Variants in ROS1 observed in about 807,000 individuals in gnomAD.
ROS1 encodes the protein proto-oncogene tyrosine-protein kinase ROS.
Under a neutral mutation model 273.5 loss-of-function variants are expected in ROS1, and 263 were observed. The observed-to-expected ratio is 0.96, with a 90% CI of 0.87 to 1.06. ROS1 has a LOEUF of 1.06. Ranked by LOEUF, ROS1 falls within the 50% of genes least tolerant of loss-of-function variation. The pLI is 0.00. For missense variants in ROS1, 2,833 were observed against 2,751.1 expected, an observed-to-expected ratio of 1.03 and a Z score of -0.67; for synonymous variants, 1,008 against 954.1, an observed-to-expected ratio of 1.06 and a Z score of -1.04.
chr6:117,344,738 A>G (rs1778236180), intron 27 of ROS1, among the ~76,000 whole-genome samples: 1 of 152,102 alleles, frequency 6.6e-6, no homozygotes, highest in African/African-American at 2.4e-5. Flanking sequence ...TAAAGGACTC[A>G]CTAAGGATGT....
At chr6:117,378,863 A>T (rs1034734791) in intron 18 of ROS1, among the ~76,000 whole-genome samples, 196 bp downstream of exon 18, 1 of 152,174 alleles carries the variant, frequency 6.6e-6, no homozygotes, top group East Asian at 1.9e-4. Context: ...TACTCTCTTC[A>T]TACCCCATCA....
chr6:117,343,880 C>T (rs1778146931), intron 28 of ROS1, among the ~76,000 whole-genome samples, 180 bp downstream of exon 28: 1 of 152,164 alleles, frequency 6.6e-6, no homozygotes, highest in South Asian at 2.1e-4. Flanking sequence ...TTCCTTGAAG[C>T]TTAACTTACT....
chr6:117,389,756 C>G lies in ROS1; in HGVS notation c.1380G>C (p.Glu460Asp). 1 of 1,614,146 alleles carries G rather than the reference C, an allele frequency of 6.2e-7. No homozygotes were observed. The highest frequency in any genetic ancestry group is 8.5e-7 in the Non-Finnish European group (1 of 1,180,026). Residue 460 changes from glutamate (E) to aspartate (D), a missense_variant, in exon 13 of 44, where the codon GAG (glutamate) becomes GAC (aspartate). Physicochemically the swap from Glu to Asp is conservative, Grantham distance 45. Transcript: ENST00000368507. ...GRCAEAVRIVESCTLKDFAIK... is the reference protein window; with the variant it reads ...GRCAEAVRIVDSCTLKDFAIK... The stretch of plus-strand genomic sequence containing the variant: ...TTGCAAAGTCCTTTAACGTGCAACT[C>G]TCCACAATACGCACAGCTTCTGCAC...
At chr6:117,391,564 T>C (rs1385845708) in intron 12 of ROS1, among the ~76,000 whole-genome samples, 1 of 152,114 alleles carries the variant, frequency 6.6e-6, no homozygotes, top group Non-Finnish European at 1.5e-5. Flanking sequence ...TAGAGGAAAA[T>C]ATTTCTAATA....
chr6:117,313,033 T>TA (rs1352516482), intron 39 of ROS1, among the ~76,000 whole-genome samples: 5 of 152,138 alleles, frequency 3.3e-5, no homozygotes, highest in Non-Finnish European at 5.9e-5. Flanking sequence ...ACCTACTTCC[T>TA]ACTTTAAGTG....
chr6:117,364,754 C>T (rs1749275428), intron 21 of ROS1, among the ~76,000 whole-genome samples: 1 of 152,158 alleles, frequency 6.6e-6, no homozygotes, highest in African/African-American at 2.4e-5. Context: ...ACTGTCTCTG[C>T]CCTTAAATGC....
At chr6:117,347,490 A>G (rs566209175) in intron 27 of ROS1, among the ~76,000 whole-genome samples, 15 of 152,164 alleles carry the variant, frequency 9.9e-5, no homozygotes, top group African/African-American at 9.6e-5. Flanking sequence ...TTCTACATAG[A>G]TGATCATGTC....
In ROS1 at chr6:117,320,021, T is replaced by G. The variant is rs1188736177; in HGVS notation, c.5769A>C (p.Pro1923=). 1.5e-5 allele frequency: 24 copies of G among 1,612,978 alleles called. No individual in the cohort carries two copies. Among genetic ancestry groups the G allele is most frequent in the Non-Finnish European group, 2.0e-5 (24 of 1,179,428 alleles). The change falls in exon 37 of 44, where the codon CCA becomes CCC. Residue 1923 remains proline, a synonymous_variant. Coordinates refer to ENST00000368507, the MANE Select transcript of ROS1 (RefSeq NM_001378902.1). ...ANACYAIHTL[P]TQEEIENLPA... is the part of the protein sequence containing the mutation. ...GAAGATTTTCAATCTCCTCTTGGGT[T>G]GGAAGAGTACTGTAAAATAGCAACA...
In ROS1 at chr6:117,383,462, T is replaced by C; in HGVS notation, c.2336A>G (p.His779Arg). Reference protein sequence around the residue: ...VLTGHTDIVTHVKLLVNDMVV... With the variant: ...VLTGHTDIVTRVKLLVNDMVV... ...CATGTCATTCACCAATAGCTTCACG[T>C]GGGTAACAATGTCTGTGTGTCCCGT... is the stretch of plus-strand genomic sequence containing the variant. Residue 779 changes from histidine (H) to arginine (R), a missense_variant, in exon 17 of 44, where the codon CAC becomes CGC. Coordinates refer to ENST00000368507, the MANE Select transcript of ROS1 (RefSeq NM_001378902.1). The C allele has an allele frequency of 6.2e-7, 1 of 1,614,120 alleles. No individual in the cohort carries two copies. Among genetic ancestry groups the C allele is most frequent in the African/African-American group, 1.3e-5 (1 of 75,058 alleles).
In ROS1 at chr6:117,402,994, C is replaced by T; in HGVS notation, c.604+145G>A. ...AAAGGTATTGTGAGTACCTAGAATA[C>T]TACCTGGCACATAGTTATGTACCCA... On this transcript the variant is annotated intron_variant, in intron 7 of 43. Transcript: ENST00000368507. 4.9e-6 allele frequency: 4 copies of T among 811,148 alleles called. No homozygotes were observed. In the South Asian group the frequency reaches 6.6e-5, roughly 13 times the overall value. The allele number at this position is 811,148 out of a possible 1,614,324, so 50.2% of individuals were successfully genotyped here.
In ROS1 at chr6:117,393,307, A is replaced by C. The variant is rs1163617062; in HGVS notation, c.1206T>G (p.Asp402Glu). The change falls in exon 12 of 44, where the codon GAT (aspartate) becomes GAG (glutamate). Residue 402 changes from aspartate to glutamate, a missense_variant. Asp to Glu is a conservative substitution (Grantham distance 45). Coordinates refer to ENST00000368507, the MANE Select transcript of ROS1 (RefSeq NM_001378902.1). ...CCTCGATGTTTGAGCAGTTCTCTAA[A>C]TCACAGACACATACCTAAAAAAATA... Reference protein sequence around the residue: ...FIMDELVCVCDLENCSNIEEI... With the variant: ...FIMDELVCVCELENCSNIEEI... 1 of 1,608,208 alleles carries C rather than the reference A, an allele frequency of 6.2e-7. No homozygotes were observed. Among genetic ancestry groups the C allele is most frequent in the Non-Finnish European group, 8.5e-7 (1 of 1,175,118 alleles).
At chr6:117,296,139 T>C (rs1489161779) in intron 43 of ROS1, among the ~76,000 whole-genome samples, 1 of 152,220 alleles carries the variant, frequency 6.6e-6, no homozygotes, top group Non-Finnish European at 1.5e-5. Context: ...TGCTCACGCC[T>C]GTAATCCCAG....
intron 5 of ROS1, among the ~76,000 whole-genome samples, chr6:117,407,389 C>G (rs1016510744): frequency 1.3e-5 from 2 of 152,176 alleles, no homozygotes; most frequent in Non-Finnish European, 2.9e-5. Context: ...AGTTAACACA[C>G]TAAGGCAAAG....
chr6:117,321,395 C>T lies in ROS1; in HGVS notation c.5624-1G>A, dbSNP rs776334708. The T allele has an allele frequency of 3.1e-6, 5 of 1,589,848 alleles. No homozygotes were observed. Among genetic ancestry groups the T allele is most frequent in the Non-Finnish European group, 4.3e-6 (5 of 1,171,684 alleles). On this transcript the variant is annotated splice_acceptor_variant, in intron 35 of 43. Transcript: ENST00000368507. LOFTEE classifies it high-confidence loss of function. Reference sequence around the variant, plus strand: ...TGATTCTTTAATCTTCTATGCCAGACTATAAAGGAAAAAATGACATAATTT... The same window carrying T: ...TGATTCTTTAATCTTCTATGCCAGATTATAAAGGAAAAAATGACATAATTT...
At chr6:117,409,443 A>T (rs1266464022) in intron 5 of ROS1, 139 bp downstream of exon 5, 11 of 672,290 alleles carry the variant, frequency 1.6e-5, no homozygotes, top group Non-Finnish European at 2.9e-5. Flanking sequence ...GAAATTATTG[A>T]ATTCTCTAAA....
chr6:117,353,230 A>G (rs1207222833), intron 26 of ROS1, 64 bp from the exon 27 acceptor site: 3 of 1,195,770 alleles, frequency 2.5e-6, no homozygotes, highest in Non-Finnish European at 3.4e-6. Context: ...TTACTCTAAA[A>G]ATGTATGAAA....
chr6:117,310,980 CA>C, intron 40 of ROS1, 39 bp downstream of exon 40: 1 of 1,277,518 alleles, frequency 7.8e-7, no homozygotes, highest in Non-Finnish European at 1.1e-6. Context: ...ATTATTGTGC[CA>C]ATATCCGTAA....
intron 1 of ROS1, among the ~76,000 whole-genome samples, chr6:117,419,798 T>G (rs1775614582): frequency 6.6e-6 from 1 of 152,198 alleles, no homozygotes; most frequent in Non-Finnish European, 1.5e-5. Context: ...ATGATCATAG[T>G]CACACTGTAA....
chr6:117,362,555 A>G lies in ROS1; in HGVS notation c.3366+48T>C, dbSNP rs773722205. On this transcript the variant is annotated intron_variant, in intron 22 of 43. Transcript: ENST00000368507. ...AGAAACATAGTCTTTCCCTCTCCCCACAATGCCGCTATTAAGACTCTCATA... is the reference window on the plus strand; with the variant it reads ...AGAAACATAGTCTTTCCCTCTCCCCGCAATGCCGCTATTAAGACTCTCATA... 4.5e-6 allele frequency: 7 copies of G among 1,556,876 alleles called. No homozygotes were observed. The Admixed American group carries it at 1.3e-4, about 28-fold the overall frequency.
Sources: gnomAD v4.1 joint callset for allele counts (sites outside exome capture counted in the v4.1 genomes callset) on GRCh38, gnomAD v4.1.1 for gene constraint, MANE v1.5 for transcripts, NCBI Gene and HGNC (gene_info 2026-07-23, HGNC 2026-07-21) for gene names.